Variants in ESR1 observed in about 807,000 individuals in gnomAD.
The protein encoded by ESR1 is estrogen receptor 1.
Under a neutral mutation model 52.7 loss-of-function variants are expected in ESR1, and 12 were observed. The observed-to-expected ratio is 0.23, with a 90% CI of 0.15 to 0.37. The LOEUF (loss-of-function observed/expected upper bound fraction) is 0.37, where lower values mean the gene tolerates loss of function less well. ESR1 is among the 10% of genes least tolerant of loss of function. ESR1 has a pLI of 1.00. For missense variants in ESR1, 584 were observed against 779.7 expected (o/e 0.75, Z 2.99); for synonymous variants, 305 against 316.8 (o/e 0.96, Z 0.39).
At chr6:151,869,838 T>C (rs1370840233) in intron 2 of ESR1, among the ~76,000 whole-genome samples, 1 of 152,214 alleles carries the variant, frequency 6.6e-6, no homozygotes, top group African/African-American at 2.4e-5. Context: ...AAGATGTCTC[T>C]TGGAGGTGGT....
chr6:151,861,212 G>C (rs1197473436), intron 2 of ESR1, among the ~76,000 whole-genome samples: 1 of 152,062 alleles, frequency 6.6e-6, no homozygotes, highest in Non-Finnish European at 1.5e-5. Context: ...CTTTCCATGA[G>C]AACACTCCCG....
At chr6:151,784,422 A>C (rs1786826254) in intron 2 of ESR1, among the ~76,000 whole-genome samples, 1 of 152,200 alleles carries the variant, frequency 6.6e-6, no homozygotes, top group Non-Finnish European at 1.5e-5. Flanking sequence ...ATATGTTTTT[A>C]AATATAAAAA....
chr6:151,834,462 A>G (rs552851499), intron 1 of ESR1, among the ~76,000 whole-genome samples: 5 of 152,254 alleles, frequency 3.3e-5, no homozygotes, highest in Non-Finnish European at 5.9e-5. Context: ...AAAACCACAC[A>G]CTGCATGTTC....
At chr6:151,888,812 A>G (rs1244651164) in intron 3 of ESR1, among the ~76,000 whole-genome samples, 1 of 152,114 alleles carries the variant, frequency 6.6e-6, no homozygotes, top group African/African-American at 2.4e-5. Flanking sequence ...GGCTTGTCAT[A>G]TATGGCCTTT....
chr6:152,063,815 A>G (rs916683715), intron 6 of ESR1, among the ~76,000 whole-genome samples: 1 of 152,088 alleles, frequency 6.6e-6, no homozygotes, highest in Non-Finnish European at 1.5e-5. Context: ...GGGAAACAAA[A>G]CCTCAGTGTA....
intron 1 of ESR1, among the ~76,000 whole-genome samples, chr6:151,818,742 C>T (rs1583453016): frequency 6.6e-6 from 1 of 152,040 alleles, no homozygotes; most frequent in South Asian, 2.1e-4. Flanking sequence ...AGCTTTTGGG[C>T]TTTCAAACTC....
chr6:151,839,796 TA>T (rs1169512014), intron 1 of ESR1, among the ~76,000 whole-genome samples: 3 of 151,974 alleles, frequency 2.0e-5, no homozygotes, highest in Non-Finnish European at 4.4e-5. Context: ...TGCTAGGGGA[TA>T]GGGGAAGGAG....
At chr6:151,964,833 G>A (rs994954355) in intron 4 of ESR1, among the ~76,000 whole-genome samples, 22 of 151,920 alleles carry the variant, frequency 1.4e-4, no homozygotes, top group African/African-American at 5.1e-4. Flanking sequence ...TAGTACAGAC[G>A]GAGTTTCACT....
intron 2 of ESR1, among the ~76,000 whole-genome samples, chr6:151,703,474 T>A (rs1479315687): frequency 6.6e-6 from 1 of 152,134 alleles, no homozygotes; most frequent in Non-Finnish European, 1.5e-5. Flanking sequence ...CTAATCTCTC[T>A]GCTCAGAGTC....
chr6:151,858,035 T>G (rs1488262435), intron 2 of ESR1, among the ~76,000 whole-genome samples: 2 of 152,192 alleles, frequency 1.3e-5, no homozygotes, highest in African/African-American at 4.8e-5. Flanking sequence ...TTTTTACTCT[T>G]CCCTCAGTAC....
chr6:151,749,138 T>C (rs1171328830), intron 2 of ESR1, among the ~76,000 whole-genome samples: 2 of 145,314 alleles, frequency 1.4e-5, no homozygotes, highest in Middle Eastern at 3.4e-3. Flanking sequence ...TAGGCTAAGC[T>C]ACTGTGAAAA....
At chr6:151,952,844 A>T (rs1353796282) in intron 4 of ESR1, among the ~76,000 whole-genome samples, 1 of 152,218 alleles carries the variant, frequency 6.6e-6, no homozygotes, top group Non-Finnish European at 1.5e-5. Flanking sequence ...TAATTTGCTT[A>T]AGCAATGAAC....
chr6:152,054,391 T>A (rs138056092), intron 5 of ESR1, among the ~76,000 whole-genome samples: 416 of 152,254 alleles, frequency 2.7e-3, no homozygotes, highest in Non-Finnish European at 4.8e-3. Context: ...GATTTTTCCC[T>A]CAGATCAACA....
intron 1 of ESR1, among the ~76,000 whole-genome samples, chr6:151,823,836 G>A (rs938630721): frequency 1.3e-5 from 2 of 152,216 alleles, no homozygotes; most frequent in Admixed American, 6.5e-5. Context: ...ATTCCATGGT[G>A]TATATGTGCC....
At chr6:151,745,306 C>T (rs911556896) in intron 2 of ESR1, among the ~76,000 whole-genome samples, 13 of 152,032 alleles carry the variant, frequency 8.6e-5, no homozygotes, top group Non-Finnish European at 7.4e-5. Flanking sequence ...AGACATTTGG[C>T]CTGGATATAT....
At chr6:151,795,914 C>T (rs374623147) in intron 2 of ESR1, among the ~76,000 whole-genome samples, 40 of 151,800 alleles carry the variant, frequency 2.6e-4, no homozygotes, top group South Asian at 2.1e-3. Context: ...TTTGGGAGGC[C>T]GAGGTGGGCG....
intron 4 of ESR1, among the ~76,000 whole-genome samples, chr6:151,954,543 A>G (rs943784156): frequency 1.1e-4 from 16 of 152,170 alleles, no homozygotes; most frequent in African/African-American, 3.4e-4. Context: ...ATAAATACAA[A>G]CCCCAATAAA....
At chr6:151,762,787 A>G (rs1434461119) in intron 2 of ESR1, among the ~76,000 whole-genome samples, 3 of 152,130 alleles carry the variant, frequency 2.0e-5, no homozygotes, top group Non-Finnish European at 4.4e-5. Context: ...AACATGGCGA[A>G]ACTCCGTCCC....
chr6:152,064,484 C>G (rs2047807036), intron 6 of ESR1, among the ~76,000 whole-genome samples: 1 of 152,202 alleles, frequency 6.6e-6, no homozygotes, highest in South Asian at 2.1e-4. Flanking sequence ...TAGACTATTT[C>G]AATTCTTACA....
Sources: gnomAD v4.1 joint callset for allele counts (sites outside exome capture counted in the v4.1 genomes callset) on GRCh38, gnomAD v4.1.1 for gene constraint, MANE v1.5 for transcripts, NCBI Gene and HGNC (gene_info 2026-07-23, HGNC 2026-07-21) for gene names.